The following CSNK1A1 variants were observed in gnomAD, a reference collection of about 807,000 sequenced individuals.
CSNK1A1 encodes the protein casein kinase 1 alpha 1.
A neutral mutation model predicts 46.1 loss-of-function variants in CSNK1A1; 7 were observed. That is an observed-to-expected ratio of 0.15 (90% CI 0.09 to 0.29). The LOEUF (loss-of-function observed/expected upper bound fraction) is 0.29. CSNK1A1 is among the 10% of genes least tolerant of loss of function. The probability of loss-of-function intolerance (pLI) is 1.00; values close to 1 mark genes in which losing one functional copy is unlikely to be tolerated. For missense variants in CSNK1A1, 96 were observed against 417.1 expected (o/e 0.23, Z 6.71); for synonymous variants, 137 against 141.5 (o/e 0.97, Z 0.23).
chr5:149,497,140 A>G, intron 9 of CSNK1A1: 2 of 1,169,342 alleles, frequency 1.7e-6, no homozygotes, highest in Non-Finnish European at 2.1e-6. Context: ...TCAAATGAGC[A>G]TGTTTCTGCA....
At chr5:149,529,385 A>G (rs1761818673) in intron 2 of CSNK1A1, among the ~76,000 whole-genome samples, 1 of 152,246 alleles carries the variant, frequency 6.6e-6, no homozygotes, top group African/African-American at 2.4e-5. Context: ...CGCATATCCA[A>G]ATTAAATCCA....
rs200944551 is a variant in CSNK1A1 at position 149,546,181 on chromosome 5, C to T, written c.230+3894G>A. Among the ~76,000 whole-genome samples the T allele has an allele frequency of 4.9e-4, 75 of 151,818 alleles. No individual in the cohort carries two copies. In the East Asian group the frequency reaches 0.012, roughly 24 times the overall value. On this transcript the variant is annotated intron_variant, in intron 2 of 9. Transcript: ENST00000377843. ...CCTCCCAAAGTGCTGGGATTACAGG[C>T]GTGAGCCATGGCGCCCGGCTTATCC...
intron 2 of CSNK1A1, among the ~76,000 whole-genome samples, chr5:149,534,926 C>CAAA (rs1762020458): frequency 4.3e-5 from 6 of 140,468 alleles, no homozygotes; most frequent in Admixed American, 7.1e-5. Flanking sequence ...AAAAAAAAAG[C>CAAA]CCCTTACCTA....
At position 149,495,756 on chromosome 5, in the gene CSNK1A1, A is replaced by AG. The variant is rs1240569410; in HGVS notation, c.*1096_*1097insC. On this transcript the variant is annotated 3_prime_UTR_variant, in exon 10 of 10. Coordinates refer to ENST00000377843, the MANE Select transcript of CSNK1A1 (RefSeq NM_001892.6). ...TGCCTGCAAGTCATAAAAAAAAAAA[A>AG]AAAAAAAGAAAAAAATGAAAGAATG... The AG allele has an allele frequency of 6.6e-6, 1 of 151,952 alleles. No homozygotes were observed. The highest frequency in any genetic ancestry group is 1.5e-5 in the Non-Finnish European group (1 of 67,896). 9.4% of individuals were successfully genotyped at this position (151,952 alleles called of 1,614,324 possible).
intron 2 of CSNK1A1, among the ~76,000 whole-genome samples, chr5:149,537,541 G>T (rs1223440401): frequency 6.6e-6 from 1 of 151,818 alleles, no homozygotes; most frequent in African/African-American, 2.4e-5. Context: ...TTCTCAGTGT[G>T]GTTCTCTGGT....
intron 4 of CSNK1A1, among the ~76,000 whole-genome samples, chr5:149,516,181 ATG>A (rs2113102202): frequency 6.6e-6 from 1 of 152,230 alleles, no homozygotes; most frequent in African/African-American, 2.4e-5. Context: ...TTAGCCGGGC[ATG>A]GTGGCGCATA....
intron 6 of CSNK1A1, 119 bp from the exon 7 acceptor site, chr5:149,510,072 G>A: frequency 3.1e-6 from 2 of 650,624 alleles, no homozygotes; most frequent in Non-Finnish European, 2.4e-6. Flanking sequence ...TTTTAACCCA[G>A]AATTTAAAAA....
chr5:149,505,738 T>C, intron 8 of CSNK1A1, 143 bp from the exon 9 acceptor site: 1 of 674,138 alleles, frequency 1.5e-6, no homozygotes, highest in Admixed American at 2.9e-5. Context: ...TATTTCTTAT[T>C]ATAGATGAAA....
At chr5:149,540,841 A>T (rs1451092611) in intron 2 of CSNK1A1, among the ~76,000 whole-genome samples, 1 of 152,078 alleles carries the variant, frequency 6.6e-6, no homozygotes, top group Non-Finnish European at 1.5e-5. Flanking sequence ...GCACTTTGGG[A>T]GGTCGAGATG....
At chr5:149,546,391 T>C (rs1278155673) in intron 2 of CSNK1A1, among the ~76,000 whole-genome samples, 1 of 151,820 alleles carries the variant, frequency 6.6e-6, no homozygotes, top group East Asian at 1.9e-4. Flanking sequence ...TCCAAGCACT[T>C]TGAGAGGCCG....
intron 9 of CSNK1A1, chr5:149,501,417 G>C (rs1760850896): frequency 1.0e-6 from 1 of 985,416 alleles, no homozygotes; most frequent in African/African-American, 1.7e-5. Context: ...TGAGTGACCA[G>C]CACATTCCTA....
intron 2 of CSNK1A1, among the ~76,000 whole-genome samples, chr5:149,538,219 T>C (rs1762122966): frequency 6.6e-6 from 1 of 151,672 alleles, no homozygotes; most frequent in Admixed American, 6.6e-5. Flanking sequence ...ACGGGGTTTC[T>C]CCATGTTGGT....
chr5:149,503,941 G>C, intron 9 of CSNK1A1: 1 of 985,408 alleles, frequency 1.0e-6, no homozygotes. Flanking sequence ...GTGAGAAAAA[G>C]CAAATATACT....
chr5:149,523,045 CTT>C (rs35068425), intron 3 of CSNK1A1, among the ~76,000 whole-genome samples: 2 of 145,516 alleles, frequency 1.4e-5, no homozygotes, highest in Admixed American at 6.9e-5. Flanking sequence ...ATATTAAAGG[CTT>C]TTTTTTTTTT....
intron 2 of CSNK1A1, among the ~76,000 whole-genome samples, chr5:149,534,473 ACT>A (rs1485386785): frequency 9.0e-5 from 9 of 100,026 alleles, no homozygotes; most frequent in East Asian, 2.9e-4. Context: ...ACAGAGCGAG[ACT>A]CTGTCTCAAA....
intron 2 of CSNK1A1, among the ~76,000 whole-genome samples, chr5:149,532,316 G>A (rs1408538430): frequency 2.0e-5 from 3 of 152,020 alleles, no homozygotes; most frequent in Non-Finnish European, 2.9e-5. Context: ...GATTTCAGCC[G>A]GGCGGAGTGG....
chr5:149,498,525 TA>T, intron 9 of CSNK1A1: 1 of 985,018 alleles, frequency 1.0e-6, no homozygotes. Context: ...TTTGGGAGTT[TA>T]AAAAAGAAAA....
chr5:149,513,360 A>C (rs1580829966), intron 4 of CSNK1A1, 151 bp from the exon 5 acceptor site: 2 of 665,492 alleles, frequency 3.0e-6, no homozygotes, highest in Non-Finnish European at 4.7e-6. Context: ...CAGACTTAAC[A>C]CCCCCCCATA....
intron 2 of CSNK1A1, chr5:149,545,894 CT>C (rs201438979): frequency 0.048 from 11,009 of 227,988 alleles, no homozygotes; most frequent in South Asian, 0.1. Context: ...CTTATCCTTG[CT>C]TTTTTTTTTT....
Sources: gnomAD v4.1 joint callset for allele counts (sites outside exome capture counted in the v4.1 genomes callset) on GRCh38, gnomAD v4.1.1 for gene constraint, MANE v1.5 for transcripts, NCBI Gene and HGNC (gene_info 2026-07-23, HGNC 2026-07-21) for gene names.